LUC7L2: variants seen among roughly 807,000 people sequenced by gnomAD.
LUC7L2 encodes the protein LUC7 like 2, pre-mRNA splicing factor, also known as putative RNA-binding protein Luc7-like 2.
In LUC7L2, 25 loss-of-function variants were observed where a neutral mutation model predicts 52.8. The observed-to-expected ratio is 0.47, with a 90% CI of 0.34 to 0.66. The LOEUF (loss-of-function observed/expected upper bound fraction) is 0.66, where lower values mean the gene tolerates loss of function less well. Among genes scored for constraint, LUC7L2 ranks in the 30% least tolerant of loss-of-function variants. LUC7L2 has a pLI of 0.01. For synonymous variants in LUC7L2, 144 were observed against 160.9 expected, an observed-to-expected ratio of 0.89 and a Z score of 0.80; for missense variants, 328 against 497.8, an observed-to-expected ratio of 0.66 and a Z score of 3.25.
intron 2 of LUC7L2, among the ~76,000 whole-genome samples, chr7:139,379,234 G>A (rs571502460): frequency 2.0e-5 from 3 of 152,192 alleles, no homozygotes; most frequent in Admixed American, 6.5e-5. Context: ...AGGCATGGTT[G>A]TACATACTTA....
chr7:139,384,570 G>C (rs184147702), intron 2 of LUC7L2, among the ~76,000 whole-genome samples: 4 of 152,160 alleles, frequency 2.6e-5, no homozygotes, highest in African/African-American at 9.7e-5. Flanking sequence ...TGGTGCCCAG[G>C]AAGTTAACAG....
At chr7:139,391,550 C>T (rs899083403) in intron 2 of LUC7L2, among the ~76,000 whole-genome samples, 6 of 151,790 alleles carry the variant, frequency 4.0e-5, no homozygotes, top group Admixed American at 2.6e-4. Flanking sequence ...ATAGTTTTCA[C>T]ATGCCTCTCA....
At chr7:139,371,535 TGGGAGGGAGAGGGTGGGTAGTACTGGG>T in intron 1 of LUC7L2, 2 of 923,394 alleles carry the variant, frequency 2.2e-6, no homozygotes, top group South Asian at 1.4e-5. Context: ...CTTGTTTGTA[TGGGAGGGAGAGGGTGGGTAGTACTGGG>T]GGGAGGGGGC....
chr7:139,390,803 G>A (rs1009224732), intron 2 of LUC7L2, among the ~76,000 whole-genome samples: 4 of 152,166 alleles, frequency 2.6e-5, no homozygotes, highest in South Asian at 2.1e-4. Context: ...TGATTCGCCC[G>A]TCTCGGCCTC....
Position 139,419,804 on chromosome 7 carries a change from A to G in LUC7L2, c.1001+2075A>G, listed in dbSNP as rs1795803790. Among the ~76,000 whole-genome samples the G allele has an allele frequency of 2.6e-5, 4 of 152,186 alleles. No individual in the cohort carries two copies. The South Asian group carries it at 8.3e-4, about 32-fold the overall frequency. ...GTTCATAAAGAGGATTATTTTTGTA[A>G]AACTATTAAAAGTTTTGCTTTTCTC... On this transcript the variant is annotated intron_variant, in intron 9 of 9. Coordinates refer to ENST00000354926, the MANE Select transcript of LUC7L2 (RefSeq NM_016019.5).
chr7:139,413,443 A>C (rs1371345871), intron 8 of LUC7L2, among the ~76,000 whole-genome samples: 1 of 152,178 alleles, frequency 6.6e-6, no homozygotes, highest in East Asian at 1.9e-4. Flanking sequence ...ACTATTTCCC[A>C]AGAAGTTTTC....
chr7:139,340,619 G>T, intron 1 of LUC7L2: 1 of 396,968 alleles, frequency 2.5e-6, no homozygotes, highest in Non-Finnish European at 4.4e-6. Flanking sequence ...CGTGGGATAG[G>T]GTAAGGCGAA....
At chr7:139,383,478 C>G (rs188214039) in intron 2 of LUC7L2, among the ~76,000 whole-genome samples, 1 of 152,092 alleles carries the variant, frequency 6.6e-6, no homozygotes, top group Non-Finnish European at 1.5e-5. Context: ...ATGGCGCGAT[C>G]TCGGCTCACT....
chr7:139,398,043 C>A (rs1477840936), intron 2 of LUC7L2, among the ~76,000 whole-genome samples: 1 of 151,890 alleles, frequency 6.6e-6, no homozygotes, highest in Admixed American at 6.6e-5. Flanking sequence ...AAAATTGAGA[C>A]AGGTGTTAGT....
chr7:139,417,528 T>C lies in LUC7L2; in HGVS notation c.810-10T>C. 1.2e-6 allele frequency: 2 copies of C among 1,605,296 alleles called. No individual in the cohort carries two copies. Among genetic ancestry groups the C allele is most frequent in the South Asian group, 1.1e-5 (1 of 90,842 alleles). On this transcript the variant is annotated splice_polypyrimidine_tract_variant and intron_variant, in intron 8 of 9. Coordinates refer to ENST00000354926, the MANE Select transcript of LUC7L2 (RefSeq NM_016019.5). ...CAAAGGTAGAAACAAAATCAAATCT[T>C]GTCTGGTAGATCCAGGTCCAGAGAG...
chr7:139,353,195 A>C (rs186100439), intron 1 of LUC7L2, among the ~76,000 whole-genome samples: 1 of 152,220 alleles, frequency 6.6e-6, no homozygotes, highest in East Asian at 1.9e-4. Flanking sequence ...AGACTGTCCC[A>C]AAAATTAATA....
chr7:139,418,029 A>G (rs1476379442), intron 9 of LUC7L2, among the ~76,000 whole-genome samples: 1 of 152,230 alleles, frequency 6.6e-6, no homozygotes, highest in African/African-American at 2.4e-5. Context: ...TTTAAATACC[A>G]ATACCCTTAG....
At chr7:139,402,934 T>A (rs968564627) in intron 4 of LUC7L2, among the ~76,000 whole-genome samples, 1 of 152,196 alleles carries the variant, frequency 6.6e-6, no homozygotes, top group Non-Finnish European at 1.5e-5. Flanking sequence ...ACATCCATCT[T>A]TACCCCCACC....
intron 1 of LUC7L2, among the ~76,000 whole-genome samples, chr7:139,351,312 A>T (rs28477480): frequency 2.6e-5 from 4 of 152,070 alleles, no homozygotes; most frequent in African/African-American, 9.7e-5. Context: ...TATCAGTTCA[A>T]TGACACTTTC....
At chr7:139,410,359 G>A (rs1795309280) in intron 7 of LUC7L2, among the ~76,000 whole-genome samples, 1 of 151,622 alleles carries the variant, frequency 6.6e-6, no homozygotes, top group African/African-American at 2.4e-5. Flanking sequence ...TCATTGAAGG[G>A]TTTTTTTTAC....
At chr7:139,375,708 T>G in intron 1 of LUC7L2, 1 of 776,144 alleles carries the variant, frequency 1.3e-6, no homozygotes, top group East Asian at 1.1e-4. Flanking sequence ...GGTCTGCAAG[T>G]TGCTTAACCT....
intron 1 of LUC7L2, among the ~76,000 whole-genome samples, chr7:139,360,593 G>A (rs1799825246): frequency 6.6e-6 from 1 of 152,264 alleles, no homozygotes; most frequent in South Asian, 2.1e-4. Flanking sequence ...TGTTGACTTG[G>A]CTGAGACGGG....
At chr7:139,356,671 T>TG (rs1451211460), upstream of LUC7L2, among the ~76,000 whole-genome samples, 2 of 151,082 alleles carry the variant, frequency 1.3e-5, no homozygotes, top group African/African-American at 4.9e-5. Context: ...CCACACAGTA[T>TG]GGGATCCCTC....
At chr7:139,345,781 T>A (rs763222819) in intron 1 of LUC7L2, 7 of 1,417,862 alleles carry the variant, frequency 4.9e-6, no homozygotes, top group Non-Finnish European at 5.6e-6. Flanking sequence ...ATCATTAAAT[T>A]TTTTTTAAGT....
Sources: allele counts gnomAD v4.1 joint callset (sites outside exome capture counted in the v4.1 genomes callset), GRCh38; gene constraint gnomAD v4.1.1; transcripts MANE v1.5; gene names NCBI Gene and HGNC (gene_info 2026-07-23, HGNC 2026-07-21).